The following SHE variants were observed in gnomAD, a reference collection of about 807,000 sequenced individuals.
The protein encoded by SHE is SH2 domain-containing adapter protein E.
Under a neutral mutation model 49.8 loss-of-function variants are expected in SHE, and 11 were observed. The ratio of observed to expected loss-of-function variants is 0.22; its 90% CI spans 0.14 to 0.37. The LOEUF (loss-of-function observed/expected upper bound fraction) is 0.37. SHE is among the 10% of genes least tolerant of loss of function. SHE has a pLI of 1.00. For synonymous variants in SHE, 310 were observed against 278.1 expected (o/e 1.11, Z -1.14); for missense variants, 624 against 655.5 (o/e 0.95, Z 0.52).
chr1:154,494,683 G>A (rs943163758), intron 2 of SHE, among the ~76,000 whole-genome samples: 1 of 152,106 alleles, frequency 6.6e-6, no homozygotes, highest in Non-Finnish European at 1.5e-5. Flanking sequence ...CTTGCTGAAT[G>A]ACATGGTATT....
At chr1:154,488,193 G>A (rs1051129548) in intron 3 of SHE, among the ~76,000 whole-genome samples, 1 of 151,228 alleles carries the variant, frequency 6.6e-6, no homozygotes, top group Non-Finnish European at 1.5e-5. Context: ...TGCCTGCCTC[G>A]GCCTCCCAAA....
chr1:154,492,002 T>C (rs1692382361), intron 2 of SHE, among the ~76,000 whole-genome samples: 1 of 152,116 alleles, frequency 6.6e-6, no homozygotes, highest in African/African-American at 2.4e-5. Flanking sequence ...TTTCTATCTG[T>C]AACTTCAAAA....
Position 154,502,314 on chromosome 1 carries a change from G to T in SHE, c.-288C>A. 1 of 183,396 alleles carries T rather than the reference G, an allele frequency of 5.5e-6. No individual in the cohort carries two copies. The highest frequency in any genetic ancestry group is 1.1e-5 in the Non-Finnish European group (1 of 88,866). 11.4% of individuals were successfully genotyped at this position (183,396 alleles called of 1,614,324 possible). On this transcript the variant is annotated 5_prime_UTR_variant, in exon 1 of 6. Transcript: ENST00000304760. ...GCTCTTTCCTCCTGCGGTGGGAGAG[G>T]CCAGGCCCACGGAAGCCCCCTGCGG...
At chr1:154,496,311 G>C (rs1055670762) in intron 2 of SHE, among the ~76,000 whole-genome samples, 1 of 152,216 alleles carries the variant, frequency 6.6e-6, no homozygotes, top group African/African-American at 2.4e-5. Flanking sequence ...TAATAAATTT[G>C]AATTTATTTG....
downstream of SHE, among the ~76,000 whole-genome samples, chr1:154,479,164 A>G (rs1451187590): frequency 6.6e-6 from 1 of 152,230 alleles, no homozygotes; most frequent in Non-Finnish European, 1.5e-5. Context: ...AAACAGAAGC[A>G]GAGCCCAAAT....
intron 1 of SHE, among the ~76,000 whole-genome samples, chr1:154,471,335 C>T (rs1691738878): frequency 6.6e-6 from 1 of 152,006 alleles, no homozygotes; most frequent in Non-Finnish European, 1.5e-5. Context: ...GCCTGGTGCA[C>T]ATAGCATGAC....
At chr1:154,494,925 G>A (rs1334884760) in intron 2 of SHE, among the ~76,000 whole-genome samples, 1 of 152,196 alleles carries the variant, frequency 6.6e-6, no homozygotes, top group Non-Finnish European at 1.5e-5. Context: ...GGTGGCAGGT[G>A]CCTGTAATCC....
chr1:154,490,285 G>A (rs763331142), intron 2 of SHE, among the ~76,000 whole-genome samples: 2 of 152,188 alleles, frequency 1.3e-5, no homozygotes, highest in Non-Finnish European at 2.9e-5. Context: ...AACATTTATC[G>A]ATGGCTTACC....
Position 154,483,951 on chromosome 1 carries a change from T to C in SHE, c.*198A>G. On this transcript the variant is annotated 3_prime_UTR_variant, in exon 6 of 6. Coordinates refer to ENST00000304760, the MANE Select transcript of SHE (RefSeq NM_001010846.3). Reference sequence around the variant, plus strand: ...AGTCAGATGTTGCAGTGAGCCAAGATTGCGCCATTGCACTCCAGCCTGGGC... The same window carrying C: ...AGTCAGATGTTGCAGTGAGCCAAGACTGCGCCATTGCACTCCAGCCTGGGC... 1.5e-6 allele frequency: 2 copies of C among 1,371,054 alleles called. No individual in the cohort carries two copies. Among genetic ancestry groups the C allele is most frequent in the Admixed American group, 3.1e-5 (1 of 32,588 alleles). The allele number at this position is 1,371,054 out of a possible 1,614,324, so 84.9% of individuals were successfully genotyped here. A position where few individuals can be genotyped will look rare whatever the true frequency, so the allele number is the denominator to read the frequency against.
At chr1:154,477,219 T>C (rs1211226354), downstream of SHE, among the ~76,000 whole-genome samples, 1 of 152,220 alleles carries the variant, frequency 6.6e-6, no homozygotes, top group Non-Finnish European at 1.5e-5. Flanking sequence ...TCTGAGTCCA[T>C]GTGCCCCTCT....
At position 154,502,039 on chromosome 1, in the gene SHE, G is replaced by C. The variant is rs1692797571; in HGVS notation, c.-13C>G. On this transcript the variant is annotated 5_prime_UTR_variant, in exon 1 of 6. Coordinates refer to ENST00000304760, the MANE Select transcript of SHE (RefSeq NM_001010846.3). ...GGGACCACTGCATTCCCCGTGACTG[G>C]GGCGCTGGAGGCCGCGGCGAGGCCC... The C allele has an allele frequency of 3.9e-6, 5 of 1,281,460 alleles. No individual in the cohort carries two copies. The highest frequency in any genetic ancestry group is 4.9e-6 in the Non-Finnish European group (5 of 1,018,326). 79.4% of individuals were successfully genotyped at this position (1,281,460 alleles called of 1,614,324 possible).
At chr1:154,498,972 G>T in intron 2 of SHE, 140 bp downstream of exon 2, 1 of 1,064,754 alleles carries the variant, frequency 9.4e-7, no homozygotes, top group Non-Finnish European at 1.3e-6. Flanking sequence ...TTAGTTTGGG[G>T]TCTAATTTCT....
In SHE at chr1:154,502,169, C is replaced by T. The variant is rs998485672; in HGVS notation, c.-143G>A. On this transcript the variant is annotated 5_prime_UTR_variant, in exon 1 of 6. Transcript: ENST00000304760. ...AGCGGGCGGGCGCTAGCCTCTGCTC[C>T]GGACACGGCAGGCGACAGGCACGAC... The T allele has an allele frequency of 3.4e-6, 2 of 585,340 alleles. No individual in the cohort carries two copies. Among genetic ancestry groups the T allele is most frequent in the Non-Finnish European group, 4.7e-6 (2 of 422,384 alleles). 36.3% of individuals were successfully genotyped at this position (585,340 alleles called of 1,614,324 possible).
chr1:154,486,680 T>C lies in SHE; in HGVS notation c.1028A>G (p.Gln343Arg). 1 of 1,613,986 alleles carries C rather than the reference T, an allele frequency of 6.2e-7. No homozygotes were observed. Among genetic ancestry groups the C allele is most frequent in the South Asian group, 1.1e-5 (1 of 91,082 alleles). Reference protein sequence around the residue: ...KEQIVRALSVQFEGAERPSFR... With the variant: ...KEQIVRALSVRFEGAERPSFR... Reference sequence around the variant, plus strand: ...GGAAGGTCGCTCAGCTCCTTCAAACTGGACTGGAAGGAAGACTCCATTTAA... The same window carrying C: ...GGAAGGTCGCTCAGCTCCTTCAAACCGGACTGGAAGGAAGACTCCATTTAA... The change falls in exon 4 of 6, where the codon CAG (glutamine) becomes CGG (arginine). Residue 343 changes from glutamine (Q) to arginine (R), a missense_variant. Physicochemically the swap from Gln to Arg is conservative, Grantham distance 43. Transcript: ENST00000304760.
intron 3 of SHE, 82 bp downstream of exon 3, chr1:154,488,969 A>G (rs1692272395): frequency 1.4e-6 from 2 of 1,477,430 alleles, no homozygotes; most frequent in South Asian, 1.4e-5. Context: ...AGGTACCCAC[A>G]AGGAAAAAAA....
At position 154,484,293 on chromosome 1, in the gene SHE, T is replaced by C. The variant is rs1692104716; in HGVS notation, c.1344A>G (p.Lys448=). ...GCVHIIVAQT[K]DNKYTLNQTS... Reference sequence around the variant, plus strand: ...TCTGATTCAGTGTGTATTTGTTGTCTTTGGTCTGAGCCACTATGATGTGGA... The same window carrying C: ...TCTGATTCAGTGTGTATTTGTTGTCCTTGGTCTGAGCCACTATGATGTGGA... Residue 448 remains lysine, a synonymous_variant, in exon 6 of 6, where the codon AAA becomes AAG. Coordinates refer to ENST00000304760, the MANE Select transcript of SHE (RefSeq NM_001010846.3). The C allele has an allele frequency of 6.2e-7, 1 of 1,614,094 alleles. No homozygotes were observed. Among genetic ancestry groups the C allele is most frequent in the South Asian group, 1.1e-5 (1 of 91,080 alleles).
In SHE at chr1:154,479,583, T is replaced by G; in HGVS notation, c.*4566A>C. On this transcript the variant is annotated 3_prime_UTR_variant, in exon 6 of 6. Coordinates refer to ENST00000304760, the MANE Select transcript of SHE (RefSeq NM_001010846.3). ...TACTGCAAAACAACCAGAAGTTTTA[T>G]AAAATATTTCTGATTTAAATTACTA... 1 of 977,154 alleles carries G rather than the reference T, an allele frequency of 1.0e-6. No homozygotes were observed. The highest frequency in any genetic ancestry group is 1.2e-6 in the Non-Finnish European group (1 of 822,418). 60.5% of individuals were successfully genotyped at this position (977,154 alleles called of 1,614,324 possible).
chr1:154,500,725 C>T (rs1420148110), intron 1 of SHE, among the ~76,000 whole-genome samples: 2 of 152,184 alleles, frequency 1.3e-5, no homozygotes, highest in African/African-American at 4.8e-5. Flanking sequence ...TTGGACAGCA[C>T]CCAGAAAACC....
chr1:154,498,664 G>A (rs1043951027), intron 2 of SHE, among the ~76,000 whole-genome samples: 1 of 152,054 alleles, frequency 6.6e-6, no homozygotes, highest in Admixed American at 6.6e-5. Flanking sequence ...CCAAAGTGCT[G>A]GGATTATAGG....
Sources: gnomAD v4.1 joint callset for allele counts (sites outside exome capture counted in the v4.1 genomes callset) on GRCh38, gnomAD v4.1.1 for gene constraint, MANE v1.5 for transcripts, NCBI Gene and HGNC (gene_info 2026-07-23, HGNC 2026-07-21) for gene names.